FHIT: variants seen among roughly 807,000 people sequenced by gnomAD.
FHIT encodes the protein fragile histidine triad diadenosine triphosphatase, also known as bis(5'-adenosyl)-triphosphatase.
In FHIT, 19 loss-of-function variants were observed where a neutral mutation model predicts 17.9. That is an observed-to-expected ratio of 1.06 (90% CI 0.74 to 1.56). The LOEUF (loss-of-function observed/expected upper bound fraction) is 1.56. Ranked by LOEUF, FHIT falls within the 40% of genes most tolerant of loss-of-function variation. FHIT has a pLI of 0.00. For missense variants in FHIT, 248 were observed against 189.2 expected (o/e 1.31, Z -1.82); for synonymous variants, 81 against 69.7 (o/e 1.16, Z -0.81).
At chr3:61,194,235 G>T (rs529730325) in intron 2 of FHIT, among the ~76,000 whole-genome samples, 1 of 152,236 alleles carries the variant, frequency 6.6e-6, no homozygotes, top group South Asian at 2.1e-4. Context: ...TAGTTTCTAT[G>T]ACCCACCTTA....
intron 5 of FHIT, among the ~76,000 whole-genome samples, chr3:60,383,329 T>C (rs1461579896): frequency 1.3e-5 from 2 of 152,164 alleles, no homozygotes; most frequent in African/African-American, 4.8e-5. Flanking sequence ...TTAAAATCAC[T>C]GGAAACTTTA....
At chr3:60,040,458 G>C (rs909676426) in intron 5 of FHIT, among the ~76,000 whole-genome samples, 3 of 151,928 alleles carry the variant, frequency 2.0e-5, no homozygotes, top group Non-Finnish European at 4.4e-5. Context: ...CTTCTTTCTT[G>C]ACCTTCCTTT....
At chr3:61,152,708 G>T (rs1267220673) in intron 2 of FHIT, among the ~76,000 whole-genome samples, 1 of 152,146 alleles carries the variant, frequency 6.6e-6, no homozygotes, top group African/African-American at 2.4e-5. Flanking sequence ...GAAAAGCCAC[G>T]AAAGGACTTC....
At chr3:60,984,247 C>A (rs898482779) in intron 3 of FHIT, among the ~76,000 whole-genome samples, 26 of 152,138 alleles carry the variant, frequency 1.7e-4, no homozygotes, top group African/African-American at 4.8e-4. Context: ...ATTCACAGAG[C>A]AAAGTTTATT....
At chr3:60,034,142 T>C (rs1490720784) in intron 5 of FHIT, among the ~76,000 whole-genome samples, 1 of 152,226 alleles carries the variant, frequency 6.6e-6, no homozygotes, top group Non-Finnish European at 1.5e-5. Context: ...ACTCTAACTG[T>C]CCCTGCTGGA....
chr3:60,868,076 G>T (rs1260603163), intron 3 of FHIT, among the ~76,000 whole-genome samples: 2 of 152,076 alleles, frequency 1.3e-5, no homozygotes, highest in East Asian at 3.9e-4. Context: ...AGAATTGAAG[G>T]TTTTTAAATA....
intron 5 of FHIT, among the ~76,000 whole-genome samples, chr3:60,148,759 C>A (rs1700342269): frequency 6.6e-6 from 1 of 152,144 alleles, no homozygotes; most frequent in African/African-American, 2.4e-5. Context: ...GGGTTTACAT[C>A]CTTTGCTCAG....
intron 4 of FHIT, among the ~76,000 whole-genome samples, chr3:60,610,396 A>G (rs2107730760): frequency 6.6e-6 from 1 of 152,324 alleles, no homozygotes; most frequent in Middle Eastern, 3.4e-3. Context: ...ATTCATGCAC[A>G]AAAAAGCATC....
At chr3:60,456,744 A>G (rs141336669) in intron 5 of FHIT, among the ~76,000 whole-genome samples, 60 of 152,286 alleles carry the variant, frequency 3.9e-4, no homozygotes, top group African/African-American at 1.3e-3. Context: ...ACCCAAATCC[A>G]TCCATGACAG....
At chr3:60,418,754 C>CA (rs796920548) in intron 5 of FHIT, among the ~76,000 whole-genome samples, 115 of 149,152 alleles carry the variant, frequency 7.7e-4, no homozygotes, top group Admixed American at 2.4e-3. Flanking sequence ...GTGAGACTGT[C>CA]AAAAAAAAAT....
intron 5 of FHIT, among the ~76,000 whole-genome samples, chr3:60,328,144 G>C (rs944733150): frequency 6.8e-6 from 1 of 147,014 alleles, no homozygotes; most frequent in East Asian, 2.0e-4. Flanking sequence ...AACTGTAAGG[G>C]AGCACAGGCA....
chr3:60,587,958 T>A (rs868955739), intron 4 of FHIT, among the ~76,000 whole-genome samples: 11 of 139,860 alleles, frequency 7.9e-5, no homozygotes, highest in Non-Finnish European at 3.0e-5. Flanking sequence ...CCCCTTCTCC[T>A]TTTTTTTTTC....
Position 61,152,581 on chromosome 3 carries a change from T to C in FHIT, c.-164+48036A>G, listed in dbSNP as rs914567353. Reference sequence around the variant, plus strand: ...ACTGAAGTTGGGGTGCTCTGACCTATTAGCATGGAGGTTGGAGAAAGAGGT... The same window carrying C: ...ACTGAAGTTGGGGTGCTCTGACCTACTAGCATGGAGGTTGGAGAAAGAGGT... On this transcript the variant is annotated intron_variant, in intron 2 of 9. Transcript: ENST00000492590. 7.2e-5 allele frequency among the ~76,000 whole-genome samples: 11 copies of C among 152,258 alleles called. No individual in the cohort carries two copies. The Middle Eastern group carries it at 0.02, about 282-fold the overall frequency.
intron 5 of FHIT, among the ~76,000 whole-genome samples, chr3:60,115,823 G>C (rs962755431): frequency 6.6e-6 from 1 of 151,972 alleles, no homozygotes; most frequent in Non-Finnish European, 1.5e-5. Context: ...ACACGAATAG[G>C]TATTATGTGC....
chr3:60,636,427 T>G (rs1553683880), intron 4 of FHIT, among the ~76,000 whole-genome samples: 1 of 149,582 alleles, frequency 6.7e-6, no homozygotes, highest in Non-Finnish European at 1.5e-5. Context: ...GTTACCAGAC[T>G]TGGGCATGTC....
intron 2 of FHIT, chr3:61,165,608 A>C (rs934939651): frequency 3.3e-5 from 5 of 152,240 alleles, no homozygotes; most frequent in African/African-American, 1.2e-4. Context: ...GCTGAGGTGG[A>C]CAGATCACCC....
intron 1 of FHIT, among the ~76,000 whole-genome samples, chr3:61,245,632 T>A (rs1457666366): frequency 6.6e-6 from 1 of 152,180 alleles, no homozygotes; most frequent in African/African-American, 2.4e-5. Context: ...TTATCCCACA[T>A]CAACTATTAC....
intron 5 of FHIT, among the ~76,000 whole-genome samples, chr3:60,180,632 A>G (rs1366533266): frequency 1.3e-5 from 2 of 152,192 alleles, no homozygotes; most frequent in Admixed American, 1.3e-4. Flanking sequence ...TACATTTTAT[A>G]TTTTAATTCT....
intron 3 of FHIT, among the ~76,000 whole-genome samples, chr3:60,959,011 C>T (rs371313655): frequency 2.0e-5 from 3 of 152,074 alleles, no homozygotes; most frequent in African/African-American, 7.2e-5. Context: ...GGGAATTTGC[C>T]AAATGAAAAG....
Sources: allele counts gnomAD v4.1 joint callset (sites outside exome capture counted in the v4.1 genomes callset), GRCh38; gene constraint gnomAD v4.1.1; transcripts MANE v1.5; gene names NCBI Gene and HGNC (gene_info 2026-07-23, HGNC 2026-07-21).